Variants in CBLB observed in about 807,000 individuals in gnomAD.
CBLB encodes Cbl proto-oncogene B.
A neutral mutation model predicts 104.9 loss-of-function variants in CBLB; 31 were observed. That is an observed-to-expected ratio of 0.30 (90% CI 0.22 to 0.40). The LOEUF is 0.40. CBLB is among the 10% of genes least tolerant of loss of function. CBLB has a pLI of 1.00. For synonymous variants in CBLB, 440 were observed against 422.6 expected, an observed-to-expected ratio of 1.04 and a Z score of -0.51; for missense variants, 1,062 against 1,214.6, an observed-to-expected ratio of 0.87 and a Z score of 1.87.
chr3:105,854,254 G>A (rs1387790519), intron 2 of CBLB, among the ~76,000 whole-genome samples: 1 of 152,178 alleles, frequency 6.6e-6, no homozygotes, highest in Non-Finnish European at 1.5e-5. Context: ...GCATATAACG[G>A]TTCAGTCATC....
chr3:105,693,663 T>C, intron 12 of CBLB, 75 bp from the exon 13 acceptor site: 1 of 923,644 alleles, frequency 1.1e-6, no homozygotes, highest in Non-Finnish European at 1.8e-6. Context: ...TGCTCTACCA[T>C]TCTGAAGACA....
intron 8 of CBLB, among the ~76,000 whole-genome samples, chr3:105,735,742 GGA>G (rs1387585058): frequency 6.6e-6 from 1 of 152,072 alleles, no homozygotes; most frequent in Non-Finnish European, 1.5e-5. Context: ...CCTGAGGTCA[GGA>G]GTTTGATCCT....
At chr3:105,855,660 A>G (rs1223253432) in intron 2 of CBLB, among the ~76,000 whole-genome samples, 1 of 152,214 alleles carries the variant, frequency 6.6e-6, no homozygotes, top group Admixed American at 6.5e-5. Context: ...AATGTGTTTC[A>G]TGACACCCAA....
At chr3:105,788,987 A>G (rs2081334076) in intron 3 of CBLB, among the ~76,000 whole-genome samples, 2 of 152,218 alleles carry the variant, frequency 1.3e-5, no homozygotes, top group Non-Finnish European at 2.9e-5. Flanking sequence ...GCATGACAGT[A>G]AAGCCACTGG....
At chr3:105,700,722 A>G (rs2068976096) in intron 12 of CBLB, among the ~76,000 whole-genome samples, 1 of 152,202 alleles carries the variant, frequency 6.6e-6, no homozygotes, top group Non-Finnish European at 1.5e-5. Flanking sequence ...AAAGAGTCAA[A>G]GCAAACTGCC....
At chr3:105,734,683 A>G (rs1440933019) in intron 8 of CBLB, among the ~76,000 whole-genome samples, 1 of 152,200 alleles carries the variant, frequency 6.6e-6, no homozygotes, top group African/African-American at 2.4e-5. Flanking sequence ...TCATCTCCAA[A>G]GCACAAGAAG....
At chr3:105,750,361 T>C (rs2076489804) in intron 5 of CBLB, among the ~76,000 whole-genome samples, 1 of 152,136 alleles carries the variant, frequency 6.6e-6, no homozygotes, top group Non-Finnish European at 1.5e-5. Context: ...AGCAGAATTA[T>C]AAATCAGAGA....
intron 9 of CBLB, among the ~76,000 whole-genome samples, chr3:105,721,641 T>C (rs944911439): frequency 2.0e-5 from 3 of 152,130 alleles, no homozygotes; most frequent in African/African-American, 7.2e-5. Context: ...TATAGAATCC[T>C]TCAAGGTTTA....
At position 105,816,211 on chromosome 3, in the gene CBLB, G is replaced by GA. The variant is rs535414864; in HGVS notation, c.419+37202dup. Among the ~76,000 whole-genome samples the GA allele has an allele frequency of 1.3e-3, 195 of 147,592 alleles. 1 individual carries two copies. The highest frequency in any genetic ancestry group is 4.3e-3 in the African/African-American group (173 of 40,240). ...AGAACTTAGTATATTTTTTAAAAAA[G>GA]AAAAAAAAAATTGCATGATGTCATC... On this transcript the variant is annotated intron_variant, in intron 3 of 18. Coordinates refer to ENST00000394030, the MANE Select transcript of CBLB (RefSeq NM_170662.5).
intron 3 of CBLB, among the ~76,000 whole-genome samples, chr3:105,835,406 C>G (rs887158300): frequency 6.6e-6 from 1 of 152,016 alleles, no homozygotes; most frequent in African/African-American, 2.4e-5. Context: ...AAATGAACAC[C>G]AGTTTAGTAG....
intron 3 of CBLB, among the ~76,000 whole-genome samples, chr3:105,835,327 A>T (rs1204258204): frequency 6.6e-6 from 1 of 152,216 alleles, no homozygotes; most frequent in East Asian, 1.9e-4. Flanking sequence ...GATGTGTAAA[A>T]CTACTATCTC....
At chr3:105,826,898 A>G (rs541378920) in intron 3 of CBLB, among the ~76,000 whole-genome samples, 8 of 152,364 alleles carry the variant, frequency 5.3e-5, no homozygotes, top group African/African-American at 1.7e-4. Flanking sequence ...AAAATAAATG[A>G]ATCCCAGGCA....
intron 5 of CBLB, among the ~76,000 whole-genome samples, chr3:105,750,229 T>C (rs567759270): frequency 2.0e-5 from 3 of 152,000 alleles, no homozygotes; most frequent in African/African-American, 7.2e-5. Flanking sequence ...ATCCTATATG[T>C]ACTGTTGACA....
rs1475780350 is a variant in CBLB at position 105,691,082 on chromosome 3, G to A, written c.2054+2412C>T. Among the ~76,000 whole-genome samples the A allele has an allele frequency of 2.0e-5, 3 of 152,292 alleles. No individual in the cohort carries two copies. The East Asian group carries it at 5.8e-4, about 29-fold the overall frequency. ...TTAAAACTCTGGACATTGATATTTA[G>A]CATATGCATATGCTTGTGCTTATGT... On this transcript the variant is annotated intron_variant, in intron 13 of 18. Transcript: ENST00000394030.
At chr3:105,671,667 T>C (rs1283798005) in intron 17 of CBLB, 1 of 205,118 alleles carries the variant, frequency 4.9e-6, no homozygotes, top group African/African-American at 2.3e-5. Context: ...ATATTGACTA[T>C]TTTTATATTA....
chr3:105,674,655 A>C (rs1406464031), intron 17 of CBLB, among the ~76,000 whole-genome samples: 1 of 152,212 alleles, frequency 6.6e-6, no homozygotes, highest in Non-Finnish European at 1.5e-5. Flanking sequence ...TGTCTACTTC[A>C]ATCTACCAGC....
intron 13 of CBLB, among the ~76,000 whole-genome samples, chr3:105,691,744 A>G (rs932518023): frequency 6.6e-6 from 1 of 152,196 alleles, no homozygotes; most frequent in Non-Finnish European, 1.5e-5. Flanking sequence ...TGCCTGCTAA[A>G]TATCTCGCAG....
At chr3:105,799,617 T>C (rs1487786457) in intron 3 of CBLB, among the ~76,000 whole-genome samples, 1 of 152,188 alleles carries the variant, frequency 6.6e-6, no homozygotes, top group African/African-American at 2.4e-5. Flanking sequence ...ACTCATATAT[T>C]TCCAAAATTT....
rs768277714 is a variant in CBLB, at chr3:105,685,507, A to G, written c.2055-41T>C. ...AAATCCAATCTAGTTTAAGCATAAT[A>G]TTCAAAACAGGCAAGTCTGATGTGA... is the stretch of plus-strand genomic sequence containing the variant. On this transcript the variant is annotated intron_variant, in intron 13 of 18. Transcript: ENST00000394030. The G allele has an allele frequency of 1.4e-5, 22 of 1,552,048 alleles. No homozygotes were observed. The South Asian group carries it at 2.5e-4, about 18-fold the overall frequency.
Sources: allele counts gnomAD v4.1 joint callset (sites outside exome capture counted in the v4.1 genomes callset), GRCh38; gene constraint gnomAD v4.1.1; transcripts MANE v1.5; gene names NCBI Gene and HGNC (gene_info 2026-07-23, HGNC 2026-07-21).